Variants in C4orf50 observed in about 807,000 individuals in gnomAD.
The protein encoded by C4orf50 is chromosome 4 open reading frame 50.
A neutral mutation model predicts 77.2 loss-of-function variants in C4orf50; 80 were observed. The ratio of observed to expected loss-of-function variants is 1.04; its 90% CI spans 0.87 to 1.25. C4orf50 has a LOEUF of 1.25. Ranked by LOEUF, C4orf50 falls within the 50% of genes most tolerant of loss-of-function variation. The pLI is 0.00. For synonymous variants in C4orf50, 532 were observed against 465.3 expected, an observed-to-expected ratio of 1.14 and a Z score of -1.84; for missense variants, 1,257 against 1,152.9, an observed-to-expected ratio of 1.09 and a Z score of -1.31.
intron 25 of C4orf50, among the ~76,000 whole-genome samples, chr4:5,994,782 G>A (rs1393546770): frequency 8.3e-6 from 1 of 120,374 alleles, no homozygotes; most frequent in East Asian, 1.9e-4. Flanking sequence ...CCTAAAGCAG[G>A]GTCATGGACC....
intron 7 of C4orf50, among the ~76,000 whole-genome samples, chr4:5,913,445 CATATACTATGAAACAG>C (rs1255517639): frequency 1.3e-5 from 2 of 152,140 alleles, no homozygotes; most frequent in African/African-American, 4.8e-5. Context: ...GTAGAAATAG[CATATACTATGAAACAG>C]ATGAGCCTGT....
rs1224949765 is a variant in C4orf50, at chr4:5,958,818, A to G, written c.*557T>C. 2.0e-5 allele frequency: 3 copies of G among 152,356 alleles called. No individual in the cohort carries two copies. The highest frequency in any genetic ancestry group is 2.9e-5 in the Non-Finnish European group (2 of 68,196). The allele number at this position is 152,356 out of a possible 1,614,324, so 9.4% of individuals were successfully genotyped here. On this transcript the variant is annotated 3_prime_UTR_variant, in exon 34 of 34. Transcript: ENST00000531445. This position sits in a 1 kb window ranked among gnomAD's most constrained non-coding sequence, Gnocchi z 5.4. ...GACAAAAAATCTTTTAAAACATGGG[A>G]AGGACCCCGGGGGCAGAGAAAAAAC...
chr4:5,946,726 T>C (rs55751092), intron 7 of C4orf50, among the ~76,000 whole-genome samples: 50,325 of 151,998 alleles, frequency 0.33, 8,702 homozygotes, highest in Non-Finnish European at 0.37. Flanking sequence ...TTGTGCGGTC[T>C]GGCTCCAGCC....
chr4:5,938,081 C>T (rs551206654), intron 7 of C4orf50, among the ~76,000 whole-genome samples: 10 of 152,046 alleles, frequency 6.6e-5, no homozygotes, highest in Middle Eastern at 3.4e-3. Context: ...ATGTAATGGA[C>T]GTATATATAA....
At chr4:5,973,980 C>G in intron 30 of C4orf50, 139 bp from the exon 9 acceptor site, 2 of 677,728 alleles carry the variant, frequency 3.0e-6, no homozygotes, top group East Asian at 2.8e-5. Flanking sequence ...GCAGCCTCCT[C>G]CCTGCGAAGC....
chr4:6,001,534 G>T (rs1721829681), intron 25 of C4orf50, among the ~76,000 whole-genome samples: 2 of 152,276 alleles, frequency 1.3e-5, no homozygotes, highest in South Asian at 4.2e-4. Flanking sequence ...AGGGGAGATG[G>T]CATGTCCCAA....
rs144070850 is a variant in C4orf50 at position 5,932,492 on chromosome 4, G to A, written c.*2474+24409C>T. Among the ~76,000 whole-genome samples the A allele has an allele frequency of 8.2e-3, 1,254 of 152,292 alleles. 10 individuals are homozygous for A. The highest frequency in any genetic ancestry group is 0.013 in the Non-Finnish European group (870 of 68,022). ...TGTTTTGGAGCCTGGCTGGAGTGCCGTGGCTCCATCACAGTTCACTGCAGC... is the reference window on the plus strand; with the variant it reads ...TGTTTTGGAGCCTGGCTGGAGTGCCATGGCTCCATCACAGTTCACTGCAGC... On this transcript the variant is annotated intron_variant, in intron 7 of 7. Transcript: ENST00000324058. The surrounding 1 kb of genome is among the most constrained non-coding windows in gnomAD (Gnocchi z 4.2).
At chr4:5,959,493 A>T (rs1577932719) in exon 34 of C4orf50, 1 of 1,614,162 alleles carries the variant, frequency 6.2e-7, no homozygotes, top group Non-Finnish European at 8.5e-7. Flanking sequence ...GGGTGCTGGG[A>T]CGTTATCGAC....
intron 30 of C4orf50, 123 bp downstream of exon 8, chr4:5,975,776 A>T (rs2108777225): frequency 1.4e-6 from 1 of 735,514 alleles, no homozygotes; most frequent in East Asian, 2.7e-5. Context: ...GGTGTGAGCC[A>T]CCGTGCCTGG....
At position 5,901,813 on chromosome 4, in the gene C4orf50, G is replaced by T. The variant is rs1716354843; in HGVS notation, c.*2475-3625C>A. On this transcript the variant is annotated intron_variant, in intron 7 of 7. Transcript: ENST00000324058. The surrounding 1 kb of genome is among the most constrained non-coding windows in gnomAD (Gnocchi z 4.4). The stretch of plus-strand genomic sequence containing the variant: ...TGCTGTCTAAAGGTCTGGGGCCCAA[G>T]ACAGGTATATTCTCTGGTACTGCCA... 1 of 152,236 alleles carries T rather than the reference G, an allele frequency of 6.6e-6. No individual in the cohort carries two copies. Among genetic ancestry groups the T allele is most frequent in the African/African-American group, 2.4e-5 (1 of 41,456 alleles). 9.4% of individuals were successfully genotyped at this position (152,236 alleles called of 1,614,324 possible). A position where few individuals can be genotyped will look rare whatever the true frequency, so the allele number is the denominator to read the frequency against.
At chr4:5,926,937 T>C (rs1717542101) in intron 7 of C4orf50, among the ~76,000 whole-genome samples, 1 of 152,216 alleles carries the variant, frequency 6.6e-6, no homozygotes, top group Non-Finnish European at 1.5e-5. Context: ...GTGCCCATGT[T>C]TCTGGTGAAA....
At chr4:5,927,787 A>G (rs1413202979) in intron 7 of C4orf50, among the ~76,000 whole-genome samples, 1 of 152,172 alleles carries the variant, frequency 6.6e-6, no homozygotes, top group African/African-American at 2.4e-5. Context: ...ACCCAGTCTC[A>G]GGTAGTACCT....
intron 29 of C4orf50, among the ~76,000 whole-genome samples, chr4:5,977,160 A>T (rs1720336387): frequency 1.3e-5 from 2 of 152,224 alleles, no homozygotes; most frequent in South Asian, 4.1e-4. Flanking sequence ...ACTGGCATCC[A>T]GCCGGATGCC....
chr4:6,008,658 T>TG lies in C4orf50; in HGVS notation c.427-127_427-126insC. On this transcript the variant is annotated intron_variant, in intron 24 of 33. Transcript: ENST00000531445. The surrounding 1 kb of genome is among the most constrained non-coding windows in gnomAD (Gnocchi z 6.0). The stretch of plus-strand genomic sequence containing the variant: ...GTGCGTTTTTGCATTTTGTGCATTG[T>TG]AATAGTGCATCAAAGTATTATCTCT... 2.5e-6 allele frequency: 1 copy of TG among 392,416 alleles called. No homozygotes were observed. Among genetic ancestry groups the TG allele is most frequent in the Admixed American group, 4.4e-5 (1 of 22,526 alleles). 24.3% of individuals were successfully genotyped at this position (392,416 alleles called of 1,614,324 possible).
rs1287145926 is a variant in C4orf50 at position 5,988,287 on chromosome 4, G to C, written c.3699+60C>G. Reference sequence around the variant, plus strand: ...CTCTGGTGAATTGCATAAGTGAATGGGGTGGCCCCCGGAACAGAGTCATGC... The same window carrying C: ...CTCTGGTGAATTGCATAAGTGAATGCGGTGGCCCCCGGAACAGAGTCATGC... On this transcript the variant is annotated intron_variant, in intron 28 of 33. Transcript: ENST00000531445. 1.9e-6 allele frequency: 3 copies of C among 1,568,882 alleles called. No homozygotes were observed. The African/African-American group carries it at 4.1e-5, about 21-fold the overall frequency.
chr4:5,946,098 C>T (rs899358475), intron 7 of C4orf50, among the ~76,000 whole-genome samples: 15 of 152,220 alleles, frequency 9.9e-5, no homozygotes, highest in East Asian at 5.8e-4. Context: ...CCTCCAGGAG[C>T]GGCAGCGCCC....
At chr4:6,004,612 G>GATA (rs1320332531) in intron 25 of C4orf50, among the ~76,000 whole-genome samples, 1 of 121,344 alleles carries the variant, frequency 8.2e-6, no homozygotes. Context: ...GTGATGATGT[G>GATA]GTGGTGATGG....
intron 25 of C4orf50, among the ~76,000 whole-genome samples, chr4:6,004,063 ATGG>A (rs1722035135): frequency 1.9e-5 from 1 of 52,042 alleles, no homozygotes; most frequent in Non-Finnish European, 3.7e-5. Flanking sequence ...GATGGTGATG[ATGG>A]TGATGGTGAT....
chr4:5,959,258 C>T (rs1719134607), exon 34 of C4orf50: 1 of 1,246,248 alleles, frequency 8.0e-7, no homozygotes. Context: ...GAAGGCAAAA[C>T]CACTTGCCAC....
Sources: allele counts gnomAD v4.1 joint callset (sites outside exome capture counted in the v4.1 genomes callset), GRCh38; gene constraint gnomAD v4.1.1; non-coding constraint Gnocchi (gnomAD v3.1); transcripts MANE v1.5; gene names NCBI Gene and HGNC (gene_info 2026-07-23, HGNC 2026-07-21).